Variants in ATP2B1 observed in about 807,000 individuals in gnomAD.
ATP2B1 encodes plasma membrane calcium-transporting ATPase 1.
A neutral mutation model predicts 124.2 loss-of-function variants in ATP2B1; 14 were observed. The ratio of observed to expected loss-of-function variants is 0.11; its 90% CI spans 0.07 to 0.18. The LOEUF (loss-of-function observed/expected upper bound fraction) is 0.18, where lower values mean the gene tolerates loss of function less well. Among genes scored for constraint, ATP2B1 ranks in the 10% least tolerant of loss-of-function variants. ATP2B1 has a pLI of 1.00. For missense variants in ATP2B1, 763 were observed against 1,466.1 expected (o/e 0.52, Z 7.83); for synonymous variants, 449 against 492.4 (o/e 0.91, Z 1.17).
chr12:89,626,708 G>A (rs572378739), intron 7 of ATP2B1, 93 bp from the exon 8 acceptor site: 2 of 1,407,946 alleles, frequency 1.4e-6, no homozygotes, highest in South Asian at 3.0e-5. Flanking sequence ...GTTTCTTACA[G>A]AAACCAGTAA....
At position 89,655,763 on chromosome 12, in the gene ATP2B1, A is replaced by C; in HGVS notation, c.124T>G (p.Ser42Ala). Residue 42 changes from serine to alanine, a missense_variant, in exon 2 of 21, where the codon TCC (serine) becomes GCC (alanine). Coordinates refer to ENST00000428670, the MANE Select transcript of ATP2B1 (RefSeq NM_001366521.1). ...TGTATTTTTCGTAATGCATCTGTGGACCTGAGCTCCATGAGAGCCCGCAGC... is the reference window on the plus strand; with the variant it reads ...TGTATTTTTCGTAATGCATCTGTGGCCCTGAGCTCCATGAGAGCCCGCAGC... ...AELRALMELR[S>A]TDALRKIQES... 1 of 1,614,208 alleles carries C rather than the reference A, an allele frequency of 6.2e-7. No individual in the cohort carries two copies. The highest frequency in any genetic ancestry group is 1.1e-5 in the South Asian group (1 of 91,086).
At chr12:89,624,518 A>C (rs1880510095) in intron 8 of ATP2B1, 121 bp from the exon 9 acceptor site, 1 of 847,250 alleles carries the variant, frequency 1.2e-6, no homozygotes, top group African/African-American at 1.7e-5. Context: ...AATTTCTCTG[A>C]GAAATTACTT....
intron 20 of ATP2B1, among the ~76,000 whole-genome samples, chr12:89,597,536 C>T (rs117742247): frequency 0.12 from 18,536 of 152,062 alleles, 1,496 homozygotes; most frequent in South Asian, 0.31. Flanking sequence ...ACGGAAAAAA[C>T]AGGCATTAAG....
At chr12:89,662,145 T>C (rs1050072785) in intron 1 of ATP2B1, among the ~76,000 whole-genome samples, 33 of 151,968 alleles carry the variant, frequency 2.2e-4, no homozygotes, top group African/African-American at 5.6e-4. Context: ...TTCTTTTTTT[T>C]TTTTTTTAAC....
chr12:89,615,700 C>T (rs1408316120), intron 12 of ATP2B1, among the ~76,000 whole-genome samples: 1 of 152,180 alleles, frequency 6.6e-6, no homozygotes, highest in African/African-American at 2.4e-5. Context: ...CTTTAAGAAT[C>T]AGATCAGGTA....
intron 2 of ATP2B1, among the ~76,000 whole-genome samples, chr12:89,652,411 CAATGAATGAATCAATA>C (rs1216430465): frequency 6.6e-6 from 1 of 152,150 alleles, no homozygotes; most frequent in Non-Finnish European, 1.5e-5. Context: ...AAGTATATGT[CAATGAATGAATCAATA>C]AATGAATGAA....
At chr12:89,601,276 T>TAA in intron 19 of ATP2B1, 50 bp downstream of exon 19, 19 of 1,086,762 alleles carry the variant, frequency 1.7e-5, no homozygotes, top group Non-Finnish European at 2.2e-5. Flanking sequence ...CACTAGAAAT[T>TAA]AAAAAAAAAA....
At chr12:89,640,100 T>C (rs542923722) in intron 3 of ATP2B1, among the ~76,000 whole-genome samples, 111 of 152,240 alleles carry the variant, frequency 7.3e-4, no homozygotes, top group Admixed American at 1.8e-3. Context: ...CATAGACACA[T>C]AGACCACGGA....
chr12:89,617,486 T>C (rs768619873), intron 11 of ATP2B1, among the ~76,000 whole-genome samples: 1 of 152,196 alleles, frequency 6.6e-6, no homozygotes, highest in Non-Finnish European at 1.5e-5. Context: ...ATCACCTATA[T>C]TGTTTTAACC....
chr12:89,591,219 T>C lies in ATP2B1; in HGVS notation c.3428A>G (p.Asn1143Ser), dbSNP rs760644092. ...EKPESRSSIH[N>S]FMTHPEFRIE... ...CCTAAACTCAGGATGTGTCATAAAG[T>C]TGTGAATCGAACTTCTTGATTCCGG... Residue 1143 changes from asparagine to serine, a missense_variant, in exon 21 of 21, where the codon AAC becomes AGC. Physicochemically the swap from Asn to Ser is conservative, Grantham distance 46. Transcript: ENST00000428670. The C allele has an allele frequency of 7.4e-6, 12 of 1,613,040 alleles. No homozygotes were observed. Among genetic ancestry groups the C allele is most frequent in the Middle Eastern group, 3.3e-4 (2 of 6,074 alleles).
chr12:89,678,453 C>G (rs1026278024), intron 1 of ATP2B1, among the ~76,000 whole-genome samples: 8 of 152,114 alleles, frequency 5.3e-5, no homozygotes, highest in Admixed American at 4.6e-4. Context: ...CTTATTTACT[C>G]TTCTGAAATG....
chr12:89,702,943 T>A (rs916653230), intron 1 of ATP2B1, among the ~76,000 whole-genome samples: 2 of 151,772 alleles, frequency 1.3e-5, no homozygotes, highest in African/African-American at 4.8e-5. Flanking sequence ...CAAAAAAAAA[T>A]GTGCCCACAG....
intron 1 of ATP2B1, among the ~76,000 whole-genome samples, chr12:89,665,921 A>G (rs1887262457): frequency 6.6e-6 from 1 of 152,212 alleles, no homozygotes; most frequent in South Asian, 2.1e-4. Flanking sequence ...TTATCTGTAA[A>G]TTTAACATGA....
At chr12:89,700,898 A>G (rs539638674) in intron 1 of ATP2B1, among the ~76,000 whole-genome samples, 19 of 152,370 alleles carry the variant, frequency 1.2e-4, no homozygotes, top group African/African-American at 4.3e-4. Context: ...TCATAGGAAA[A>G]TGAATAATTT....
At chr12:89,662,401 A>G (rs948502971) in intron 1 of ATP2B1, among the ~76,000 whole-genome samples, 1 of 152,206 alleles carries the variant, frequency 6.6e-6, no homozygotes, top group African/African-American at 2.4e-5. Flanking sequence ...ATACTACAAG[A>G]TTAAGAATGG....
At chr12:89,616,686 GAAA>G in intron 12 of ATP2B1, 113 bp downstream of exon 12, 2 of 769,476 alleles carry the variant, frequency 2.6e-6, no homozygotes, top group Non-Finnish European at 3.8e-6. Flanking sequence ...GGTTCACACA[GAAA>G]AAAAAAAAAT....
At chr12:89,652,971 C>G (rs2136331500) in intron 2 of ATP2B1, among the ~76,000 whole-genome samples, 1 of 152,290 alleles carries the variant, frequency 6.6e-6, no homozygotes, top group Non-Finnish European at 1.5e-5. Context: ...TCAAGAAAAC[C>G]TCCCGCCTTG....
At chr12:89,700,542 G>A (rs936796154) in intron 1 of ATP2B1, among the ~76,000 whole-genome samples, 1 of 152,050 alleles carries the variant, frequency 6.6e-6, no homozygotes, top group Admixed American at 6.5e-5. Context: ...TAGTATTAGA[G>A]GTACTAAAAA....
chr12:89,611,538 C>T (rs1262033536), intron 12 of ATP2B1, 166 bp from the exon 13 acceptor site: 6 of 542,612 alleles, frequency 1.1e-5, no homozygotes, highest in Non-Finnish European at 1.7e-5. Context: ...ATTTCTTGCA[C>T]TATTTTCAAT....
Sources: gnomAD v4.1 joint callset for allele counts (sites outside exome capture counted in the v4.1 genomes callset) on GRCh38, gnomAD v4.1.1 for gene constraint, MANE v1.5 for transcripts, NCBI Gene and HGNC (gene_info 2026-07-23, HGNC 2026-07-21) for gene names.